REEP4: variants seen among roughly 807,000 people sequenced by gnomAD.
The protein encoded by REEP4 is receptor expression-enhancing protein 4.
REEP4 carries 17 observed loss-of-function variants against 33.5 expected under a neutral mutation model. That is an observed-to-expected ratio of 0.51 (90% CI 0.35 to 0.76). The LOEUF is 0.76. Ranked by LOEUF, REEP4 falls within the 30% of genes least tolerant of loss-of-function variation. The probability of loss-of-function intolerance (pLI) is 0.01; values close to 1 mark genes in which losing one functional copy is unlikely to be tolerated. For missense variants in REEP4, 340 were observed against 357.9 expected (o/e 0.95, Z 0.40); for synonymous variants, 157 against 142.9 (o/e 1.10, Z -0.70).
chr8:22,139,313 TC>T, intron 5 of REEP4, 102 bp downstream of exon 5: 1 of 1,047,936 alleles, frequency 9.5e-7, no homozygotes. Context: ...TCACCCCTGC[TC>T]CCCGGCTGCC....
Position 22,138,466 on chromosome 8 carries a change from AG to A in REEP4, c.*20del, listed in dbSNP as rs1423769481. The A allele has an allele frequency of 1.9e-6, 3 of 1,612,670 alleles. No homozygotes were observed. The highest frequency in any genetic ancestry group is 2.5e-6 in the Non-Finnish European group (3 of 1,179,964). On this transcript the variant is annotated 3_prime_UTR_variant, in exon 8 of 8. Transcript: ENST00000306306. ...GAGCCCTGCAGGGCACGAGGTAAGAAGGGGGCAGATGCAGCAGACCCTAGCT... is the reference window on the plus strand; with the variant it reads ...GAGCCCTGCAGGGCACGAGGTAAGAAGGGGCAGATGCAGCAGACCCTAGCT...
In REEP4 at chr8:22,140,100, G is replaced by A. The variant is rs1160180205; in HGVS notation, c.183-17C>T. 2.5e-6 allele frequency: 4 copies of A among 1,614,026 alleles called. No homozygotes were observed. The highest frequency in any genetic ancestry group is 1.1e-5 in the South Asian group (1 of 91,078). ...AAAGGGAACCTGTCACAGCACAAGGGGCAGGGTGAGCCAAGGAGCAGGGCT... is the reference window on the plus strand; with the variant it reads ...AAAGGGAACCTGTCACAGCACAAGGAGCAGGGTGAGCCAAGGAGCAGGGCT... On this transcript the variant is annotated splice_polypyrimidine_tract_variant and intron_variant, in intron 3 of 7. Transcript: ENST00000306306.
Position 22,139,018 on chromosome 8 carries a change from T to C in REEP4, c.461A>G (p.Gln154Arg). The change falls in exon 6 of 8, where the codon CAG (glutamine) becomes CGG (arginine). Residue 154 changes from glutamine (Q) to arginine (R), a missense_variant. Transcript: ENST00000306306. ...LAGRLRSFSM[Q>R]DLRSISDAPA... ...TGCGTCAGAGATGGAGCGCAGGTCC[T>C]GCATGGAGAAGCTCCGCAGCCTGCC... 2 of 1,601,318 alleles carry C rather than the reference T, an allele frequency of 1.2e-6. No homozygotes were observed. Among genetic ancestry groups the C allele is most frequent in the Non-Finnish European group, 8.5e-7 (1 of 1,174,254 alleles).
chr8:22,138,972 G>T lies in REEP4; in HGVS notation c.507C>A (p.Asp169Glu). 1.2e-6 allele frequency: 2 copies of T among 1,609,024 alleles called. No individual in the cohort carries two copies. The highest frequency in any genetic ancestry group is 1.7e-6 in the Non-Finnish European group (2 of 1,177,956). The change falls in exon 6 of 8, where the codon GAC (aspartate) becomes GAA (glutamate). Residue 169 changes from aspartate (D) to glutamate (E), a missense_variant. Transcript: ENST00000306306. The stretch of plus-strand genomic sequence containing the variant: ...ACACCTGGTCCTCCAGGTAGAGGGG[G>T]TCATGGTAGGCAGGGGCAGGTGCGT... ...ISDAPAPAYH[D>E]PLYLEDQVSH...
In REEP4 at chr8:22,140,216, T is replaced by C; in HGVS notation, c.138A>G (p.Ala46=). The change falls in exon 3 of 8, where the codon GCA becomes GCG. Residue 46 remains alanine (A), a synonymous_variant. Transcript: ENST00000306306. ...TAACGATCTCTGCTGCCATGAAGAGTGCAAAAACAATCCAGTACATCATCC... is the reference window on the plus strand; with the variant it reads ...TAACGATCTCTGCTGCCATGAAGAGCGCAAAAACAATCCAGTACATCATCC... ...VRWMMYWIVF[A]LFMAAEIVTD... The C allele has an allele frequency of 1.2e-6, 2 of 1,613,724 alleles. No homozygotes were observed. The highest frequency in any genetic ancestry group is 1.7e-6 in the Non-Finnish European group (2 of 1,179,958).
Position 22,138,448 on chromosome 8 carries a change from G to A in REEP4, c.*39C>T, listed in dbSNP as rs1336602786. 6.2e-7 allele frequency: 1 copy of A among 1,608,444 alleles called. No individual in the cohort carries two copies. Among genetic ancestry groups the A allele is most frequent in the South Asian group, 1.1e-5 (1 of 91,044 alleles). Reference sequence around the variant, plus strand: ...TCCCTCCAAATAGCCCTGGAGCCCTGCAGGGCACGAGGTAAGAAGGGGGCA... The same window carrying A: ...TCCCTCCAAATAGCCCTGGAGCCCTACAGGGCACGAGGTAAGAAGGGGGCA... On this transcript the variant is annotated 3_prime_UTR_variant, in exon 8 of 8. Transcript: ENST00000306306.
intron 2 of REEP4, 63 bp downstream of exon 2, chr8:22,140,562 G>T: frequency 7.0e-7 from 1 of 1,438,506 alleles, no homozygotes; most frequent in Non-Finnish European, 9.6e-7. Context: ...GGAGGGAGAG[G>T]CCAACTGAGA....
In REEP4 at chr8:22,138,783, G is replaced by A. The variant is rs201167076; in HGVS notation, c.564C>T (p.Ala188=). ...SHRRPPIGYR[A]GGLQDSDTED... ...CGGTGTCGCTGTCCTGCAGGCCCCC[G>A]GCCCGGTACCCTGTGTGGAGGAGGA... Residue 188 remains alanine (A), a synonymous_variant, in exon 7 of 8, where the codon GCC becomes GCT. Coordinates refer to ENST00000306306, the MANE Select transcript of REEP4 (RefSeq NM_025232.4). The A allele has an allele frequency of 1.7e-5, 27 of 1,601,778 alleles. No individual in the cohort carries two copies. The highest frequency in any genetic ancestry group is 9.0e-5 in the Admixed American group (5 of 55,764).
chr8:22,139,461 C>G lies in REEP4; in HGVS notation c.372G>C (p.Arg124=). ...CAGCGGAGGCGGCAATGTTGAGGCCCCGCTTCCCGAAGCTGAGCACGGTCT... is the reference window on the plus strand; with the variant it reads ...CAGCGGAGGCGGCAATGTTGAGGCCGCGCTTCCCGAAGCTGAGCACGGTCT... ...SYETVLSFGK[R]GLNIAASAAV... Residue 124 remains arginine (R), a synonymous_variant, in exon 5 of 8, where the codon CGG becomes CGC. Transcript: ENST00000306306. The G allele has an allele frequency of 6.2e-7, 1 of 1,610,076 alleles. No homozygotes were observed. The highest frequency in any genetic ancestry group is 8.5e-7 in the Non-Finnish European group (1 of 1,179,894).
chr8:22,139,464 C>A lies in REEP4; in HGVS notation c.369G>T (p.Lys123Asn). The change falls in exon 5 of 8, where the codon AAG becomes AAT. Residue 123 changes from lysine (K) to asparagine (N), a missense_variant. Physicochemically the swap from Lys to Asn is moderately conservative, Grantham distance 94. Transcript: ENST00000306306. ...RSYETVLSFG[K>N]RGLNIAASAA... The stretch of plus-strand genomic sequence containing the variant: ...CGGAGGCGGCAATGTTGAGGCCCCG[C>A]TTCCCGAAGCTGAGCACGGTCTCGT... 6.2e-7 allele frequency: 1 copy of A among 1,610,238 alleles called. No homozygotes were observed. Among genetic ancestry groups the A allele is most frequent in the Non-Finnish European group, 8.5e-7 (1 of 1,179,900 alleles).
chr8:22,139,905 A>G (rs1357795784), intron 4 of REEP4, 58 bp downstream of exon 4: 13 of 1,547,284 alleles, frequency 8.4e-6, no homozygotes, highest in Non-Finnish European at 1.1e-5. Context: ...TCCCAGGTCC[A>G]GGGCTCTTTC....
rs150824109 is a variant in REEP4, at chr8:22,139,824, G to A, written c.303+139C>T. 30 of 1,033,000 alleles carry A rather than the reference G, an allele frequency of 2.9e-5. No homozygotes were observed. In the East Asian group the frequency reaches 6.8e-4, roughly 23 times the overall value. The allele number at this position is 1,033,000 out of a possible 1,614,324, so 64.0% of individuals were successfully genotyped here. On this transcript the variant is annotated intron_variant, in intron 4 of 7. Transcript: ENST00000306306. Reference sequence around the variant, plus strand: ...TATCCCAGAAGATGAGGTAGGCTGGGCCCTGTCAAGGTCCTGCCCCTCAAT... The same window carrying A: ...TATCCCAGAAGATGAGGTAGGCTGGACCCTGTCAAGGTCCTGCCCCTCAAT...
At chr8:22,138,859 G>A in intron 6 of REEP4, 66 bp from the exon 7 acceptor site, 1 of 1,553,762 alleles carries the variant, frequency 6.4e-7, no homozygotes, top group Non-Finnish European at 8.7e-7. Context: ...AGCCTTGGGG[G>A]AAGCCATGGT....
At position 22,138,144 on chromosome 8, in the gene REEP4, G is replaced by C. The variant is rs1202914056; in HGVS notation, c.*343C>G. 1.7e-6 allele frequency: 1 copy of C among 595,100 alleles called. No homozygotes were observed. Among genetic ancestry groups the C allele is most frequent in the East Asian group, 2.8e-5 (1 of 36,024 alleles). 36.9% of individuals were successfully genotyped at this position (595,100 alleles called of 1,614,324 possible). A position where few individuals can be genotyped will look rare whatever the true frequency, so the allele number is the denominator to read the frequency against. On this transcript the variant is annotated 3_prime_UTR_variant, in exon 8 of 8. Coordinates refer to ENST00000306306, the MANE Select transcript of REEP4 (RefSeq NM_025232.4). Reference sequence around the variant, plus strand: ...GGCTATCAAGTACTTTGAAGGACAGGAAGGAATGAACACACCCAGGTGGAC... The same window carrying C: ...GGCTATCAAGTACTTTGAAGGACAGCAAGGAATGAACACACCCAGGTGGAC...
Position 22,139,463 on chromosome 8 carries a change from G to A in REEP4, c.370C>T (p.Arg124Trp), listed in dbSNP as rs757471135. 1.3e-5 allele frequency: 21 copies of A among 1,609,914 alleles called. No individual in the cohort carries two copies. The highest frequency in any genetic ancestry group is 3.3e-4 in the Middle Eastern group (2 of 6,082). ...SYETVLSFGK[R>W]GLNIAASAAV... ...GCGGAGGCGGCAATGTTGAGGCCCC[G>A]CTTCCCGAAGCTGAGCACGGTCTCG... Residue 124 changes from arginine (R) to tryptophan (W), a missense_variant, in exon 5 of 8, where the codon CGG (arginine) becomes TGG (tryptophan). By Grantham distance (101) the Arg-to-Trp change is moderately radical. Transcript: ENST00000306306.
At position 22,138,461 on chromosome 8, in the gene REEP4, T is replaced by A. The variant is rs1827164872; in HGVS notation, c.*26A>T. On this transcript the variant is annotated 3_prime_UTR_variant, in exon 8 of 8. Coordinates refer to ENST00000306306, the MANE Select transcript of REEP4 (RefSeq NM_025232.4). ...CCCTGGAGCCCTGCAGGGCACGAGG[T>A]AAGAAGGGGGCAGATGCAGCAGACC... 2 of 1,611,748 alleles carry A rather than the reference T, an allele frequency of 1.2e-6. No homozygotes were observed. The highest frequency in any genetic ancestry group is 2.7e-5 in the African/African-American group (2 of 74,838).
In REEP4 at chr8:22,139,052, C is replaced by T. The variant is rs778683788; in HGVS notation, c.427G>A (p.Ala143Thr). 1.3e-5 allele frequency: 20 copies of T among 1,569,422 alleles called. No homozygotes were observed. Among genetic ancestry groups the T allele is most frequent in the Non-Finnish European group, 1.6e-5 (19 of 1,159,626 alleles). Residue 143 changes from alanine (A) to threonine (T), a missense_variant, in exon 6 of 8, where the codon GCG (alanine) becomes ACG (threonine). Ala to Thr is a moderately conservative substitution (Grantham distance 58). Transcript: ENST00000306306. ...AVQAATKSQG[A>T]LAGRLRSFSM... ...AAGCTCCGCAGCCTGCCGGCCAGCGCCCCCTGACTCTGCGAGGGGGAAGAG... is the reference window on the plus strand; with the variant it reads ...AAGCTCCGCAGCCTGCCGGCCAGCGTCCCCTGACTCTGCGAGGGGGAAGAG...
chr8:22,140,607 C>T lies in REEP4; in HGVS notation c.105+18G>A, dbSNP rs758218063. On this transcript the variant is annotated intron_variant, in intron 2 of 7. Coordinates refer to ENST00000306306, the MANE Select transcript of REEP4 (RefSeq NM_025232.4). ...CCTCACCAAGTCCTATTAAACACACCCAAACCCCCACGCTCACATATTCAC... is the reference window on the plus strand; with the variant it reads ...CCTCACCAAGTCCTATTAAACACACTCAAACCCCCACGCTCACATATTCAC... 1 of 1,610,026 alleles carries T rather than the reference C, an allele frequency of 6.2e-7. No homozygotes were observed. Among genetic ancestry groups the T allele is most frequent in the South Asian group, 1.1e-5 (1 of 90,500 alleles).
Position 22,139,956 on chromosome 8 carries a change from G to A in REEP4, c.303+7C>T, listed in dbSNP as rs551258614. On this transcript the variant is annotated splice_region_variant and intron_variant, in intron 4 of 7. Coordinates refer to ENST00000306306, the MANE Select transcript of REEP4 (RefSeq NM_025232.4). ...TAAGCCTCCCTTCCCGCTTCCCCCT[G>A]GGGTACCTTCTCATGGCGGGACAGG... 2 of 1,583,222 alleles carry A rather than the reference G, an allele frequency of 1.3e-6. No homozygotes were observed. Among genetic ancestry groups the A allele is most frequent in the African/African-American group, 2.7e-5 (2 of 74,140 alleles).
Sources: allele counts gnomAD v4.1 joint callset, GRCh38; gene constraint gnomAD v4.1.1; transcripts MANE v1.5; gene names NCBI Gene and HGNC (gene_info 2026-07-23, HGNC 2026-07-21).